CADM3: variants seen among roughly 807,000 people sequenced by gnomAD.
CADM3 encodes the protein cell adhesion molecule 3, also known as TSLC1-like 1.
CADM3 carries 11 observed loss-of-function variants against 44.9 expected under a neutral mutation model. The observed-to-expected ratio is 0.25, with a 90% CI of 0.15 to 0.41. The LOEUF (loss-of-function observed/expected upper bound fraction) is 0.41, where lower values mean the gene tolerates loss of function less well. Among genes scored for constraint, CADM3 ranks in the 10% least tolerant of loss-of-function variants. The probability of loss-of-function intolerance (pLI) is 1.00; values close to 1 mark genes in which losing one functional copy is unlikely to be tolerated. For synonymous variants in CADM3, 207 were observed against 205.2 expected, an observed-to-expected ratio of 1.01 and a Z score of -0.08; for missense variants, 426 against 512.0, an observed-to-expected ratio of 0.83 and a Z score of 1.62.
At chr1:159,197,133 T>A in intron 7 of CADM3, 73 bp downstream of exon 7, 1 of 1,490,768 alleles carries the variant, frequency 6.7e-7, no homozygotes, top group Non-Finnish European at 9.3e-7. Context: ...TTAAAATGCT[T>A]CCTGATAACA....
chr1:159,196,947 A>C lies in CADM3; in HGVS notation c.839A>C (p.Gln280Pro). The change falls in exon 7 of 9, where the codon CAG becomes CCG. Residue 280 changes from glutamine to proline, a missense_variant. By Grantham distance (76) the Gln-to-Pro change is moderately conservative (BLOSUM62 -1). This residue lies in a region of CADM3 where 362 missense variants were observed against 474.6 expected (regional missense o/e 0.76). Coordinates refer to ENST00000368125, the MANE Select transcript of CADM3 (RefSeq NM_001127173.3). ...AGTGTGCCACCCCTGAAGATGACCC[A>C]GGAGAGTGCCCTGATCTTCCCTTTC... ...EGSVPPLKMTQESALIFPFLN... is the reference protein window; with the variant it reads ...EGSVPPLKMTPESALIFPFLN... 1 of 1,614,072 alleles carries C rather than the reference A, an allele frequency of 6.2e-7. No individual in the cohort carries two copies. Among genetic ancestry groups the C allele is most frequent in the Non-Finnish European group, 8.5e-7 (1 of 1,180,020 alleles).
intron 1 of CADM3, among the ~76,000 whole-genome samples, chr1:159,173,589 G>A (rs1024535010): frequency 1.3e-5 from 2 of 152,160 alleles, no homozygotes; most frequent in Non-Finnish European, 2.9e-5. Context: ...GGAGTCCTTG[G>A]GGAGAGCAGG....
At chr1:159,198,096 C>T (rs1649984600) in intron 7 of CADM3, 1 of 152,258 alleles carries the variant, frequency 6.6e-6, no homozygotes, top group Non-Finnish European at 1.5e-5. Context: ...CTGATCTCCC[C>T]TCTGCTTTGT....
At chr1:159,185,347 C>A (rs943818590) in intron 1 of CADM3, among the ~76,000 whole-genome samples, 1 of 152,118 alleles carries the variant, frequency 6.6e-6, no homozygotes, top group South Asian at 2.1e-4. Context: ...GTGAGTCACC[C>A]CTGGCCACAA....
chr1:159,191,270 G>C (rs1649651263), intron 1 of CADM3, among the ~76,000 whole-genome samples: 1 of 152,160 alleles, frequency 6.6e-6, no homozygotes, highest in South Asian at 2.1e-4. Flanking sequence ...ATGGTGATTT[G>C]GGTTGTGTGT....
intron 1 of CADM3, among the ~76,000 whole-genome samples, chr1:159,173,859 A>C (rs1021820061): frequency 1.3e-5 from 2 of 152,244 alleles, no homozygotes; most frequent in Non-Finnish European, 2.9e-5. Flanking sequence ...AGACTAGAGT[A>C]AATCAGTATA....
chr1:159,199,628 T>C, intron 7 of CADM3, 123 bp from the exon 8 acceptor site: 1 of 1,246,854 alleles, frequency 8.0e-7, no homozygotes. Context: ...TGAATGACAC[T>C]GCTCCATTTT....
chr1:159,201,196 T>G lies in CADM3; in HGVS notation c.*274T>G, dbSNP rs863000. ...TTATTATTTTTGTAACAATCCCAAA[T>G]CAAATCTGTCTCCAGGCTGGAGAGG... On this transcript the variant is annotated 3_prime_UTR_variant, in exon 9 of 9. Coordinates refer to ENST00000368125, the MANE Select transcript of CADM3 (RefSeq NM_001127173.3). 0.42 allele frequency: 83,892 copies of G among 198,716 alleles called. 21,276 individuals carry two copies. Among genetic ancestry groups the G allele is most frequent in the East Asian group, 0.73 (6,629 of 9,078 alleles). The allele number at this position is 198,716 out of a possible 1,614,324, so 12.3% of individuals were successfully genotyped here. A position where few individuals can be genotyped will look rare whatever the true frequency, so the allele number is the denominator to read the frequency against.
chr1:159,182,084 A>ACG (rs923383744), intron 1 of CADM3, among the ~76,000 whole-genome samples: 2 of 145,066 alleles, frequency 1.4e-5, no homozygotes, highest in Non-Finnish European at 3.1e-5. Context: ...ACACACACAC[A>ACG]CACGCACACA....
chr1:159,196,524 C>G (rs1571024329), intron 6 of CADM3, 70 bp downstream of exon 6: 1 of 1,225,714 alleles, frequency 8.2e-7, no homozygotes. Flanking sequence ...CACATAACAG[C>G]TCCTTCCTAT....
chr1:159,180,655 G>C (rs772822735), intron 1 of CADM3, among the ~76,000 whole-genome samples: 5 of 151,940 alleles, frequency 3.3e-5, no homozygotes, highest in Non-Finnish European at 7.4e-5. Context: ...TGAAACTAGA[G>C]TAGTGTGGGT....
At chr1:159,179,291 G>A (rs187473200) in intron 1 of CADM3, among the ~76,000 whole-genome samples, 1 of 152,230 alleles carries the variant, frequency 6.6e-6, no homozygotes, top group African/African-American at 2.4e-5. Flanking sequence ...CAATAAGAAA[G>A]CTAAATAACT....
chr1:159,185,842 A>T (rs893125198), intron 1 of CADM3, among the ~76,000 whole-genome samples: 1 of 152,222 alleles, frequency 6.6e-6, no homozygotes, highest in African/African-American at 2.4e-5. Context: ...TCTATAAGCA[A>T]TATGCTATAT....
Position 159,196,379 on chromosome 1 carries a change from T to C in CADM3, c.707T>C (p.Met236Thr), listed in dbSNP as rs1255705851. The C allele has an allele frequency of 6.2e-7, 1 of 1,614,128 alleles. No individual in the cohort carries two copies. The highest frequency in any genetic ancestry group is 2.2e-5 in the East Asian group (1 of 44,890). Residue 236 changes from methionine to threonine, a missense_variant, in exon 6 of 9, where the codon ATG becomes ACG. Met to Thr is a moderately conservative substitution (Grantham distance 81, BLOSUM62 -1). Around this residue, in one of 2 missense-constraint regions of CADM3, gnomAD observed 362 missense variants for 474.6 expected, o/e 0.76. Coordinates refer to ENST00000368125, the MANE Select transcript of CADM3 (RefSeq NM_001127173.3). Reference protein sequence around the residue: ...RIEVLYTPTAMIRPDPPHPRE... With the variant: ...RIEVLYTPTATIRPDPPHPRE... Reference sequence around the variant, plus strand: ...TTCTCCACAGACACACCAACTGCGATGATTAGGCCAGACCCTCCCCATCCT... The same window carrying C: ...TTCTCCACAGACACACCAACTGCGACGATTAGGCCAGACCCTCCCCATCCT...
intron 1 of CADM3, among the ~76,000 whole-genome samples, chr1:159,188,672 T>A (rs1190680692): frequency 6.6e-6 from 1 of 152,158 alleles, no homozygotes; most frequent in African/African-American, 2.4e-5. Flanking sequence ...CGGGAGACCC[T>A]GAAAAGATTC....
chr1:159,185,600 A>G (rs912683152), intron 1 of CADM3, among the ~76,000 whole-genome samples: 1 of 152,230 alleles, frequency 6.6e-6, no homozygotes, highest in African/African-American at 2.4e-5. Context: ...TTGTTCTGGA[A>G]TAATGAATAT....
At chr1:159,174,912 G>A (rs1166604390) in intron 1 of CADM3, among the ~76,000 whole-genome samples, 2 of 152,172 alleles carry the variant, frequency 1.3e-5, no homozygotes, top group African/African-American at 4.8e-5. Flanking sequence ...TTGGCCTAGG[G>A]TAAAGATAGA....
chr1:159,189,812 C>T, intron 1 of CADM3: 1 of 1,607,878 alleles, frequency 6.2e-7, no homozygotes, highest in Non-Finnish European at 8.5e-7. Flanking sequence ...AACTCTGGCT[C>T]CACTCGACGA....
chr1:159,172,655 T>C (rs1477181447), intron 1 of CADM3, among the ~76,000 whole-genome samples: 4 of 152,122 alleles, frequency 2.6e-5, no homozygotes, highest in African/African-American at 9.7e-5. Flanking sequence ...GGCTAAGCAC[T>C]GATTTTCCCA....
Sources: gnomAD v4.1 joint callset for allele counts (sites outside exome capture counted in the v4.1 genomes callset) on GRCh38, gnomAD v4.1.1 for gene constraint, gnomAD v4.1.1 regional missense constraint, MANE v1.5 for transcripts, NCBI Gene and HGNC (gene_info 2026-07-23, HGNC 2026-07-21) for gene names.